The following GRM8 variants were observed in gnomAD, a reference collection of about 807,000 sequenced individuals.
GRM8 encodes the protein glutamate metabotropic receptor 8, also known as metabotropic glutamate receptor 8.
Under a neutral mutation model 87.2 loss-of-function variants are expected in GRM8, and 47 were observed. The observed-to-expected ratio is 0.54, with a 90% CI of 0.43 to 0.69. The LOEUF is 0.69. Among genes scored for constraint, GRM8 ranks in the 30% least tolerant of loss-of-function variants. The pLI, the probability that GRM8 is intolerant of heterozygous loss-of-function variation, is 0.00. For synonymous variants in GRM8, 396 were observed against 404.5 expected (o/e 0.98, Z 0.25); for missense variants, 1,019 against 1,139.2 (o/e 0.89, Z 1.52).
Position 126,511,433 on chromosome 7 carries a change from A to G in GRM8, c.2430+21519T>C, listed in dbSNP as rs1811354288. On this transcript the variant is annotated intron_variant, in intron 9 of 10. Coordinates refer to ENST00000339582, the MANE Select transcript of GRM8 (RefSeq NM_000845.3). ...CATCCTCAACAAATCTATAGACAAC[A>G]TGGCAATTTTATATACCTCTTGTGG... 2.6e-5 allele frequency: 4 copies of G among 152,094 alleles called. No individual in the cohort carries two copies. In the South Asian group the frequency reaches 8.3e-4, roughly 31 times the overall value. The allele number at this position is 152,094 out of a possible 1,614,324, so 9.4% of individuals were successfully genotyped here.
intron 3 of GRM8, among the ~76,000 whole-genome samples, chr7:126,987,799 G>A (rs1054689593): frequency 3.9e-5 from 6 of 152,116 alleles, no homozygotes; most frequent in Non-Finnish European, 8.8e-5. Flanking sequence ...ACATGTACCT[G>A]AGCAGACAAA....
intron 3 of GRM8, among the ~76,000 whole-genome samples, chr7:126,904,957 T>G (rs915027647): frequency 6.6e-6 from 1 of 152,166 alleles, no homozygotes; most frequent in African/African-American, 2.4e-5. Context: ...ATAAGATGTG[T>G]GATGAGAGTC....
chr7:126,520,383 A>T (rs1401208492), intron 9 of GRM8, among the ~76,000 whole-genome samples: 4 of 152,090 alleles, frequency 2.6e-5, no homozygotes, highest in Non-Finnish European at 4.4e-5. Context: ...TTAATTTCAC[A>T]ATTTGGGTTT....
chr7:126,465,401 C>T (rs1431556193), intron 9 of GRM8: 2 of 151,172 alleles, frequency 1.3e-5, no homozygotes. Context: ...ATTAGGATTG[C>T]ATTAATGTAT....
chr7:126,788,019 AC>A (rs1171693478), intron 6 of GRM8, among the ~76,000 whole-genome samples: 1 of 152,194 alleles, frequency 6.6e-6, no homozygotes, highest in African/African-American at 2.4e-5. Flanking sequence ...ATTTGAAAGT[AC>A]CACATTAAAA....
intron 7 of GRM8, among the ~76,000 whole-genome samples, chr7:126,699,963 T>G (rs576314671): frequency 6.6e-6 from 1 of 152,316 alleles, no homozygotes; most frequent in Admixed American, 6.5e-5. Context: ...CTATAACATC[T>G]GTTCAGAGTA....
chr7:126,746,048 G>C (rs1189887669), intron 7 of GRM8, among the ~76,000 whole-genome samples: 1 of 151,612 alleles, frequency 6.6e-6, no homozygotes, highest in Non-Finnish European at 1.5e-5. Flanking sequence ...TCACAAAGGG[G>C]CCATTATAAA....
intron 7 of GRM8, among the ~76,000 whole-genome samples, chr7:126,694,099 AAAAC>A (rs1809112918): frequency 6.6e-6 from 1 of 151,838 alleles, no homozygotes; most frequent in Admixed American, 6.5e-5. Context: ...TATTTATAAG[AAAAC>A]AAACTAAACT....
intron 8 of GRM8, among the ~76,000 whole-genome samples, chr7:126,545,210 C>T (rs1284209422): frequency 1.3e-5 from 2 of 152,098 alleles, no homozygotes; most frequent in Non-Finnish European, 2.9e-5. Flanking sequence ...GGGAAGGGTG[C>T]AGGAAGTCAG....
At chr7:126,868,499 T>C (rs1239748614) in intron 6 of GRM8, among the ~76,000 whole-genome samples, 1 of 152,216 alleles carries the variant, frequency 6.6e-6, no homozygotes, top group East Asian at 1.9e-4. Flanking sequence ...TAGAACACTG[T>C]GCCACACTTG....
intron 7 of GRM8, among the ~76,000 whole-genome samples, chr7:126,754,302 C>T (rs1041454428): frequency 6.6e-6 from 1 of 151,788 alleles, no homozygotes; most frequent in African/African-American, 2.4e-5. Context: ...TAGCTCATTA[C>T]ATTAATCTGC....
intron 6 of GRM8, among the ~76,000 whole-genome samples, chr7:126,796,540 T>G (rs1821971299): frequency 6.6e-6 from 1 of 152,080 alleles, no homozygotes; most frequent in Admixed American, 6.6e-5. Context: ...TATTTCTCAC[T>G]AATATAATGA....
chr7:127,081,370 C>G (rs1312571673), intron 3 of GRM8, among the ~76,000 whole-genome samples: 1 of 152,206 alleles, frequency 6.6e-6, no homozygotes, highest in Non-Finnish European at 1.5e-5. Flanking sequence ...CAATGCAATG[C>G]AGATATTGGC....
chr7:126,731,565 A>G lies in GRM8; in HGVS notation c.1357+38300T>C, dbSNP rs145074098. On this transcript the variant is annotated intron_variant, in intron 7 of 10. Transcript: ENST00000339582. ...TAACTTGTGCATTCTGTGACATTTT[A>G]TTACCAAAATGAACTATTTCTACGC... 6.4e-3 allele frequency among the ~76,000 whole-genome samples: 970 copies of G among 152,180 alleles called. 10 individuals are homozygous for G. Among genetic ancestry groups the G allele is most frequent in the African/African-American group, 0.022 (903 of 41,556 alleles).
chr7:127,152,467 T>C (rs1445958825), intron 2 of GRM8, among the ~76,000 whole-genome samples: 1 of 152,114 alleles, frequency 6.6e-6, no homozygotes, highest in Non-Finnish European at 1.5e-5. Flanking sequence ...ATAAGCATGA[T>C]TGAGAGTATC....
intron 3 of GRM8, among the ~76,000 whole-genome samples, chr7:127,019,185 T>C (rs1816006004): frequency 6.6e-6 from 1 of 152,114 alleles, no homozygotes; most frequent in African/African-American, 2.4e-5. Flanking sequence ...AATGAATGTG[T>C]TACCTTATTT....
intron 7 of GRM8, among the ~76,000 whole-genome samples, chr7:126,648,478 A>T (rs1185710412): frequency 6.6e-6 from 1 of 152,226 alleles, no homozygotes; most frequent in East Asian, 1.9e-4. Context: ...ATTATTTTCA[A>T]TCACAACACC....
chr7:127,035,348 A>C (rs1055369453), intron 3 of GRM8, among the ~76,000 whole-genome samples: 1 of 152,194 alleles, frequency 6.6e-6, no homozygotes, highest in Non-Finnish European at 1.5e-5. Context: ...TCAAGCAACC[A>C]GTCGATTTCG....
intron 3 of GRM8, among the ~76,000 whole-genome samples, chr7:126,951,200 A>G (rs762987683): frequency 6.6e-6 from 1 of 152,142 alleles, no homozygotes; most frequent in Non-Finnish European, 1.5e-5. Context: ...AAGTGATTAT[A>G]AGAAAACACA....
Sources: gnomAD v4.1 joint callset for allele counts (sites outside exome capture counted in the v4.1 genomes callset) on GRCh38, gnomAD v4.1.1 for gene constraint, MANE v1.5 for transcripts, NCBI Gene and HGNC (gene_info 2026-07-23, HGNC 2026-07-21) for gene names.